Variants in RANBP9 observed in about 807,000 individuals in gnomAD.
RANBP9 encodes ran-binding protein 9.
RANBP9 carries 15 observed loss-of-function variants against 84.3 expected under a neutral mutation model. That is an observed-to-expected ratio of 0.18 (90% CI 0.12 to 0.27). The LOEUF is 0.27. Among genes scored for constraint, RANBP9 ranks in the 10% least tolerant of loss-of-function variants. The pLI is 1.00. For missense variants in RANBP9, 809 were observed against 912.8 expected (o/e 0.89, Z 1.46); for synonymous variants, 392 against 349.6 (o/e 1.12, Z -1.35).
intron 2 of RANBP9, among the ~76,000 whole-genome samples, chr6:13,681,335 T>TGG (rs1766032060): frequency 6.6e-6 from 1 of 151,730 alleles, no homozygotes; most frequent in Admixed American, 6.6e-5. Flanking sequence ...TTAGTTGTGG[T>TGG]TGTTATGTAA....
chr6:13,639,515 A>G, intron 9 of RANBP9, 48 bp downstream of exon 9: 1 of 1,532,698 alleles, frequency 6.5e-7, no homozygotes, highest in Admixed American at 1.7e-5. Flanking sequence ...AAGGTTTAAG[A>G]TTATAAAGAG....
At chr6:13,666,411 AT>A (rs1310595054) in intron 2 of RANBP9, among the ~76,000 whole-genome samples, 4 of 152,072 alleles carry the variant, frequency 2.6e-5, no homozygotes, top group Middle Eastern at 6.8e-3. Flanking sequence ...GCATGCAAAA[AT>A]GTCAGTAACA....
intron 2 of RANBP9, among the ~76,000 whole-genome samples, chr6:13,690,514 G>GAATTCTGAACA (rs1766298172): frequency 1.3e-5 from 2 of 152,168 alleles, no homozygotes; most frequent in Admixed American, 1.3e-4. Flanking sequence ...TTCTGAAAGA[G>GAATTCTGAACA]TGCACTTTAT....
intron 5 of RANBP9, among the ~76,000 whole-genome samples, chr6:13,651,978 T>C (rs1483734252): frequency 6.6e-6 from 1 of 152,198 alleles, no homozygotes; most frequent in Admixed American, 6.5e-5. Flanking sequence ...CCTGAGCACC[T>C]TTTCTCTAAC....
At chr6:13,669,684 C>G (rs531331951) in intron 2 of RANBP9, among the ~76,000 whole-genome samples, 3 of 152,106 alleles carry the variant, frequency 2.0e-5, no homozygotes, top group Non-Finnish European at 4.4e-5. Context: ...TTTTTTCTCC[C>G]GATTAGGTGA....
At chr6:13,640,628 G>A (rs547351605) in intron 8 of RANBP9, among the ~76,000 whole-genome samples, 4 of 152,110 alleles carry the variant, frequency 2.6e-5, no homozygotes, top group Non-Finnish European at 1.5e-5. Flanking sequence ...GAACCTTAAG[G>A]CTATTACACT....
intron 1 of RANBP9, among the ~76,000 whole-genome samples, chr6:13,703,254 A>G (rs1025407807): frequency 6.6e-6 from 1 of 152,024 alleles, no homozygotes; most frequent in Non-Finnish European, 1.5e-5. Flanking sequence ...CTAGTCTTTC[A>G]ATGTTGGTGT....
At chr6:13,706,293 G>A (rs983508482) in intron 1 of RANBP9, among the ~76,000 whole-genome samples, 4 of 151,406 alleles carry the variant, frequency 2.6e-5, no homozygotes, top group East Asian at 3.9e-4. Flanking sequence ...GCAGTGAGCC[G>A]AGATGGCGCC....
chr6:13,628,555 C>T (rs1197409786), intron 12 of RANBP9, among the ~76,000 whole-genome samples: 1 of 152,090 alleles, frequency 6.6e-6, no homozygotes, highest in Non-Finnish European at 1.5e-5. Context: ...AGAAGGATCA[C>T]ACAAAAACAC....
At chr6:13,677,094 G>A (rs1236910038) in intron 2 of RANBP9, among the ~76,000 whole-genome samples, 1 of 152,098 alleles carries the variant, frequency 6.6e-6, no homozygotes, top group Non-Finnish European at 1.5e-5. Context: ...TGAAAAGATT[G>A]TTTATGCAGA....
intron 5 of RANBP9, 96 bp downstream of exon 5, chr6:13,652,563 A>G: frequency 8.5e-7 from 1 of 1,170,686 alleles, no homozygotes; most frequent in Non-Finnish European, 1.2e-6. Context: ...AAATATCAAT[A>G]AGACTGTATT....
At chr6:13,686,049 C>T (rs1766168451) in intron 2 of RANBP9, among the ~76,000 whole-genome samples, 1 of 148,614 alleles carries the variant, frequency 6.7e-6, no homozygotes, top group African/African-American at 2.5e-5. Flanking sequence ...TAGTTTTCTC[C>T]CTTACATTTT....
intron 10 of RANBP9, among the ~76,000 whole-genome samples, chr6:13,635,633 CAAG>C (rs1764919342): frequency 7.2e-6 from 1 of 138,622 alleles, no homozygotes; most frequent in Non-Finnish European, 1.6e-5. Context: ...AAAAAAAAAA[CAAG>C]AGATCTAGGG....
intron 2 of RANBP9, among the ~76,000 whole-genome samples, chr6:13,696,351 T>C (rs1757824926): frequency 6.6e-6 from 1 of 152,172 alleles, no homozygotes; most frequent in Non-Finnish European, 1.5e-5. Flanking sequence ...AAATCTCCTC[T>C]AGTTGAGAGC....
At chr6:13,675,466 T>TCAA (rs1765867850) in intron 2 of RANBP9, among the ~76,000 whole-genome samples, 1 of 152,116 alleles carries the variant, frequency 6.6e-6, no homozygotes, top group African/African-American at 2.4e-5. Context: ...AAACAACTTA[T>TCAA]CAAAATTTGT....
At chr6:13,686,731 C>T (rs1281159405) in intron 2 of RANBP9, among the ~76,000 whole-genome samples, 2 of 152,172 alleles carry the variant, frequency 1.3e-5, no homozygotes, top group African/African-American at 4.8e-5. Context: ...CAGTGTATTA[C>T]TTTTCTAAAT....
intron 13 of RANBP9, among the ~76,000 whole-genome samples, chr6:13,623,190 T>C (rs1764503544): frequency 6.6e-6 from 1 of 152,050 alleles, no homozygotes; most frequent in Non-Finnish European, 1.5e-5. Context: ...TTGCCAGAGA[T>C]GGAAAAAAAT....
intron 2 of RANBP9, among the ~76,000 whole-genome samples, chr6:13,684,655 A>G (rs1024123322): frequency 6.6e-6 from 1 of 152,238 alleles, no homozygotes; most frequent in African/African-American, 2.4e-5. Context: ...CATTTACTAA[A>G]TATCTATGTG....
chr6:13,680,219 A>AC (rs1401796927), intron 2 of RANBP9, among the ~76,000 whole-genome samples: 2 of 152,160 alleles, frequency 1.3e-5, no homozygotes, highest in Non-Finnish European at 2.9e-5. Flanking sequence ...TAAAAAACAA[A>AC]CCCATGTAAT....
Sources: gnomAD v4.1 joint callset for allele counts (sites outside exome capture counted in the v4.1 genomes callset) on GRCh38, gnomAD v4.1.1 for gene constraint, MANE v1.5 for transcripts, NCBI Gene and HGNC (gene_info 2026-07-23, HGNC 2026-07-21) for gene names.